Variants in ARPC5 observed in about 807,000 individuals in gnomAD.
ARPC5 encodes actin-related protein 2/3 complex subunit 5.
In ARPC5, 5 loss-of-function variants were observed where a neutral mutation model predicts 15.4. That is an observed-to-expected ratio of 0.32 (90% confidence interval 0.17 to 0.68). The LOEUF is 0.68. ARPC5 is among the 30% of genes least tolerant of loss of function. The pLI is 0.71. For synonymous variants in ARPC5, 85 were observed against 72.2 expected (o/e 1.18, Z -0.90); for missense variants, 138 against 192.8 (o/e 0.72, Z 1.68).
Position 183,621,098 on chromosome 1 carries a change from A to T in ARPC5, c.*6434T>A, listed in dbSNP as rs1648920568. On this transcript the variant is annotated 3_prime_UTR_variant, in exon 4 of 4. Transcript: ENST00000359856. ...GCAAATATATGATACCATTTTTAAA[A>T]CATCAGATTTGAAAAGATTAAAAAA... 1 of 152,250 alleles carries T rather than the reference A, an allele frequency of 6.6e-6. No homozygotes were observed. Among genetic ancestry groups the T allele is most frequent in the African/African-American group, 2.4e-5 (1 of 41,468 alleles). 9.4% of individuals were successfully genotyped at this position (152,250 alleles called of 1,614,324 possible). A position where few individuals can be genotyped will look rare whatever the true frequency, so the allele number is the denominator to read the frequency against.
intron 1 of ARPC5, among the ~76,000 whole-genome samples, chr1:183,634,978 G>A (rs1649412943): frequency 6.8e-6 from 1 of 147,372 alleles, no homozygotes; most frequent in Non-Finnish European, 1.5e-5. Flanking sequence ...TTTTCGAACA[G>A]TCCCATCTCC....
chr1:183,624,098 T>C lies in ARPC5; in HGVS notation c.*3434A>G, dbSNP rs2101952073. On this transcript the variant is annotated 3_prime_UTR_variant, in exon 4 of 4. Coordinates refer to ENST00000359856, the MANE Select transcript of ARPC5 (RefSeq NM_005717.4). ...GTTAAACTAAGTGATCATCAATGTC[T>C]ATTTCAGCTAATAAAACATTATGAT... The C allele has an allele frequency of 6.6e-6, 1 of 152,592 alleles. No homozygotes were observed. Among genetic ancestry groups the C allele is most frequent in the East Asian group, 1.9e-4 (1 of 5,188 alleles). The allele number at this position is 152,592 out of a possible 1,614,324, so 9.5% of individuals were successfully genotyped here.
intron 1 of ARPC5, chr1:183,633,546 T>C (rs1649327955): frequency 6.5e-6 from 1 of 153,612 alleles, no homozygotes; most frequent in African/African-American, 2.4e-5. Context: ...TCTTTTCCTG[T>C]GATTCTAATT....
chr1:183,632,916 A>T, intron 2 of ARPC5, 166 bp downstream of exon 2: 1 of 537,302 alleles, frequency 1.9e-6, no homozygotes. Flanking sequence ...ACTACATTAT[A>T]GGGCTATTTT....
chr1:183,621,917 T>G lies in ARPC5; in HGVS notation c.*5615A>C, dbSNP rs1481300232. 6.6e-6 allele frequency: 1 copy of G among 152,248 alleles called. No individual in the cohort carries two copies. The highest frequency in any genetic ancestry group is 1.5e-5 in the Non-Finnish European group (1 of 68,036). The allele number at this position is 152,248 out of a possible 1,614,324, so 9.4% of individuals were successfully genotyped here. On this transcript the variant is annotated 3_prime_UTR_variant, in exon 4 of 4. Transcript: ENST00000359856. ...TCCTATCTCATCCTGTGACTTAGAATGCCTTAACCATCTGGGAATGCAGCC... is the reference window on the plus strand; with the variant it reads ...TCCTATCTCATCCTGTGACTTAGAAGGCCTTAACCATCTGGGAATGCAGCC...
rs753852418 is a variant in ARPC5 at position 183,627,516 on chromosome 1, T to A, written c.*16A>T. 6.2e-7 allele frequency: 1 copy of A among 1,612,574 alleles called. No individual in the cohort carries two copies. The highest frequency in any genetic ancestry group is 1.1e-5 in the South Asian group (1 of 91,032). On this transcript the variant is annotated 3_prime_UTR_variant, in exon 4 of 4. Transcript: ENST00000359856. ...CAATTCCCACTCCCGAGGCAGATAA[T>A]CCACTTCCTGCCAGACTACACAGTT... is the stretch of plus-strand genomic sequence containing the variant.
At chr1:183,634,523 T>G (rs1231582489) in intron 1 of ARPC5, among the ~76,000 whole-genome samples, 1 of 152,228 alleles carries the variant, frequency 6.6e-6, no homozygotes, top group Non-Finnish European at 1.5e-5. Flanking sequence ...TTTCTAAAAC[T>G]ACAGCTTCGG....
At chr1:183,627,682 G>A in intron 3 of ARPC5, 88 bp from the exon 4 acceptor site, 1 of 1,030,630 alleles carries the variant, frequency 9.7e-7, no homozygotes, top group Non-Finnish European at 1.5e-6. Context: ...AAGAAGGAAT[G>A]GGCACTGCTA....
intron 3 of ARPC5, among the ~76,000 whole-genome samples, chr1:183,629,783 A>G (rs1317197022): frequency 6.6e-6 from 1 of 152,232 alleles, no homozygotes; most frequent in African/African-American, 2.4e-5. Flanking sequence ...ATCCATTGGC[A>G]TTAATTATAT....
chr1:183,627,801 C>T (rs992047568), intron 3 of ARPC5, among the ~76,000 whole-genome samples: 4 of 152,168 alleles, frequency 2.6e-5, no homozygotes, highest in Non-Finnish European at 5.9e-5. Flanking sequence ...CCTTGAAAGT[C>T]CCTGCCCTCA....
At chr1:183,635,333 G>C (rs1160820006) in intron 1 of ARPC5, among the ~76,000 whole-genome samples, 184 bp downstream of exon 1, 2 of 152,216 alleles carry the variant, frequency 1.3e-5, no homozygotes, top group Non-Finnish European at 2.9e-5. Context: ...CCTGCCGACT[G>C]GGTAGGAAAC....
rs1649237331 is a variant in ARPC5, at chr1:183,630,647, C to A, written c.217-10G>T. 1 of 1,606,162 alleles carries A rather than the reference C, an allele frequency of 6.2e-7. No homozygotes were observed. The highest frequency in any genetic ancestry group is 8.5e-7 in the Non-Finnish European group (1 of 1,176,718). Reference sequence around the variant, plus strand: ...TGCTGCCTGCCCGGTCCTGGTGGGTCAATAAATAACAGAACATTTAGACAT... The same window carrying A: ...TGCTGCCTGCCCGGTCCTGGTGGGTAAATAAATAACAGAACATTTAGACAT... On this transcript the variant is annotated splice_polypyrimidine_tract_variant and intron_variant, in intron 2 of 3. Coordinates refer to ENST00000359856, the MANE Select transcript of ARPC5 (RefSeq NM_005717.4).
chr1:183,632,189 T>C (rs1357415641), intron 2 of ARPC5: 1 of 152,234 alleles, frequency 6.6e-6, no homozygotes, highest in Non-Finnish European at 1.5e-5. Flanking sequence ...TGAATAGCTA[T>C]GGACAACGGG....
chr1:183,627,796 A>G (rs1401377972), intron 3 of ARPC5, among the ~76,000 whole-genome samples: 11 of 152,346 alleles, frequency 7.2e-5, no homozygotes, highest in East Asian at 1.9e-4. Flanking sequence ...CAAAACCTTG[A>G]AAGTCCCTGC....
In ARPC5 at chr1:183,630,380, G is replaced by T. The variant is rs1649226792; in HGVS notation, c.393+81C>A. On this transcript the variant is annotated intron_variant, in intron 3 of 3. Coordinates refer to ENST00000359856, the MANE Select transcript of ARPC5 (RefSeq NM_005717.4). ...CAAAAATGTACAACAAATCAAAATGGTTATTTAGGTGAGAGAGGTTGTCAT... is the reference window on the plus strand; with the variant it reads ...CAAAAATGTACAACAAATCAAAATGTTTATTTAGGTGAGAGAGGTTGTCAT... 5.3e-6 allele frequency: 6 copies of T among 1,134,636 alleles called. No individual in the cohort carries two copies. The South Asian group carries it at 7.6e-5, about 14-fold the overall frequency. The allele number at this position is 1,134,636 out of a possible 1,614,324, so 70.3% of individuals were successfully genotyped here.
Position 183,626,475 on chromosome 1 carries a change from A to G in ARPC5, c.*1057T>C, listed in dbSNP as rs953644797. 3 of 152,656 alleles carry G rather than the reference A, an allele frequency of 2.0e-5. No homozygotes were observed. Among genetic ancestry groups the G allele is most frequent in the African/African-American group, 7.2e-5 (3 of 41,466 alleles). 9.5% of individuals were successfully genotyped at this position (152,656 alleles called of 1,614,324 possible). On this transcript the variant is annotated 3_prime_UTR_variant, in exon 4 of 4. Coordinates refer to ENST00000359856, the MANE Select transcript of ARPC5 (RefSeq NM_005717.4). The stretch of plus-strand genomic sequence containing the variant: ...AGAACTGATTTGGTTTGTCCAACAA[A>G]GTAAACAATTTTTTGCTGTGTGGCA...
chr1:183,629,603 A>ATACTC (rs1649209577), intron 3 of ARPC5, among the ~76,000 whole-genome samples: 1 of 152,232 alleles, frequency 6.6e-6, no homozygotes, highest in African/African-American at 2.4e-5. Flanking sequence ...AAAATCACTT[A>ATACTC]TACTCTTTTG....
Position 183,630,589 on chromosome 1 carries a change from T to C in ARPC5, c.265A>G (p.Asn89Asp). Residue 89 changes from asparagine (N) to aspartate (D), a missense_variant, in exon 3 of 4, where the codon AAT becomes GAT. Physicochemically the swap from Asn to Asp is conservative, Grantham distance 23 (BLOSUM62 1). Transcript: ENST00000359856. ...VLKVLISFKA[N>D]DIEKAVQSLD... ...GATTGAACTGCCTTTTCTATATCAT[T>C]AGCTTTAAAAGAGATGAGCACCTTC... 6.2e-7 allele frequency: 1 copy of C among 1,614,144 alleles called. No individual in the cohort carries two copies. Among genetic ancestry groups the C allele is most frequent in the Non-Finnish European group, 8.5e-7 (1 of 1,180,006 alleles).
rs1354505905 is a variant in ARPC5, at chr1:183,635,767, C to T, written c.-108G>A. 6.8e-7 allele frequency: 1 copy of T among 1,460,158 alleles called. No individual in the cohort carries two copies. The highest frequency in any genetic ancestry group is 1.4e-5 in the African/African-American group (1 of 70,530). The allele number at this position is 1,460,158 out of a possible 1,614,324, so 90.5% of individuals were successfully genotyped here. A position where few individuals can be genotyped will look rare whatever the true frequency, so the allele number is the denominator to read the frequency against. The stretch of plus-strand genomic sequence containing the variant: ...GCCTGATTCACTTCCCTCTTCCGCT[C>T]TGAGGCGTCGCCGACTGCCGCGGCT... On this transcript the variant is annotated 5_prime_UTR_variant, in exon 1 of 4. Coordinates refer to ENST00000359856, the MANE Select transcript of ARPC5 (RefSeq NM_005717.4).
Sources: gnomAD v4.1 joint callset for allele counts (sites outside exome capture counted in the v4.1 genomes callset) on GRCh38, gnomAD v4.1.1 for gene constraint, MANE v1.5 for transcripts, NCBI Gene and HGNC (gene_info 2026-07-23, HGNC 2026-07-21) for gene names.